Variants in CCDC83 observed in about 807,000 individuals in gnomAD.
CCDC83 encodes coiled-coil domain containing 83.
CCDC83 carries 54 observed loss-of-function variants against 50.1 expected under a neutral mutation model. The ratio of observed to expected loss-of-function variants is 1.08; its 90% CI spans 0.87 to 1.35. CCDC83 has a LOEUF of 1.35. Ranked by LOEUF, CCDC83 falls within the 40% of genes most tolerant of loss-of-function variation. CCDC83 has a pLI of 0.00. For missense variants in CCDC83, 518 were observed against 473.9 expected, an observed-to-expected ratio of 1.09 and a Z score of -0.86; for synonymous variants, 161 against 153.3, an observed-to-expected ratio of 1.05 and a Z score of -0.37.
At chr11:85,910,384 C>T (rs910921843) in intron 7 of CCDC83, among the ~76,000 whole-genome samples, 1 of 152,140 alleles carries the variant, frequency 6.6e-6, no homozygotes, top group Non-Finnish European at 1.5e-5. Context: ...AATGAATGAA[C>T]GAATGGACAA....
chr11:85,861,034 G>C (rs1312119919), intron 1 of CCDC83, among the ~76,000 whole-genome samples: 4 of 152,186 alleles, frequency 2.6e-5, no homozygotes, highest in African/African-American at 7.2e-5. Context: ...ACAAGGCGAG[G>C]TTATTTATCA....
In CCDC83 at chr11:85,880,349, C is replaced by T. The variant is rs1044241089; in HGVS notation, c.181-2164C>T. Among the ~76,000 whole-genome samples, 3 of 152,116 alleles carry T rather than the reference C, an allele frequency of 2.0e-5. No individual in the cohort carries two copies. In the South Asian group the frequency reaches 6.2e-4, roughly 31 times the overall value. On this transcript the variant is annotated intron_variant, in intron 3 of 10. Coordinates refer to ENST00000342404, the MANE Select transcript of CCDC83 (RefSeq NM_001286159.2). ...TCAACCAGCCTTGAGTGCAGTGGCA[C>T]AATTACGGCTCACTGCAGCCTCAAC...
intron 2 of CCDC83, among the ~76,000 whole-genome samples, chr11:85,871,285 T>A (rs2093235920): frequency 6.6e-6 from 1 of 152,254 alleles, no homozygotes; most frequent in South Asian, 2.1e-4. Flanking sequence ...TTGGTCCATT[T>A]AAATTGCAGA....
intron 5 of CCDC83, among the ~76,000 whole-genome samples, chr11:85,892,360 T>C (rs17744745): frequency 0.26 from 40,124 of 152,056 alleles, 5,675 homozygotes; most frequent in Middle Eastern, 0.29. Flanking sequence ...CACCAATAAA[T>C]GGTTAATTGT....
chr11:85,869,465 T>C (rs1185758500), intron 2 of CCDC83, among the ~76,000 whole-genome samples: 3 of 152,194 alleles, frequency 2.0e-5, no homozygotes, highest in Non-Finnish European at 4.4e-5. Context: ...CACAAAAATA[T>C]AGTTTTTTTG....
intron 5 of CCDC83, among the ~76,000 whole-genome samples, chr11:85,888,509 T>A (rs964215071): frequency 2.0e-5 from 3 of 152,188 alleles, no homozygotes; most frequent in Non-Finnish European, 2.9e-5. Context: ...CTTTACATTT[T>A]AAAAAAATTA....
chr11:85,881,943 G>C (rs181581444), intron 3 of CCDC83, among the ~76,000 whole-genome samples: 1 of 152,094 alleles, frequency 6.6e-6, no homozygotes. Flanking sequence ...AATTTGGGAA[G>C]TTTCCAGCCA....
At chr11:85,867,458 T>A (rs1209303650) in intron 2 of CCDC83, among the ~76,000 whole-genome samples, 1 of 152,238 alleles carries the variant, frequency 6.6e-6, no homozygotes, top group Non-Finnish European at 1.5e-5. Flanking sequence ...TCCCAATATA[T>A]TCGTATGAAC....
chr11:85,860,813 A>G (rs1301470167), intron 1 of CCDC83, among the ~76,000 whole-genome samples: 2 of 152,226 alleles, frequency 1.3e-5, no homozygotes, highest in African/African-American at 4.8e-5. Context: ...CATAAAAAGA[A>G]CAAAATCGTG....
intron 7 of CCDC83, 65 bp downstream of exon 7, chr11:85,899,080 T>C (rs779507551): frequency 1.1e-5 from 14 of 1,230,262 alleles, no homozygotes; most frequent in Non-Finnish European, 1.5e-5. Flanking sequence ...AAATGACTTT[T>C]AATTATGAAC....
At chr11:85,878,315 CT>C (rs1242473182) in intron 3 of CCDC83, among the ~76,000 whole-genome samples, 3 of 152,170 alleles carry the variant, frequency 2.0e-5, no homozygotes, top group African/African-American at 7.2e-5. Context: ...CTCATGTGAC[CT>C]TTAAAGCCAC....
intron 10 of CCDC83, among the ~76,000 whole-genome samples, chr11:85,916,954 T>C (rs564855515): frequency 6.6e-6 from 1 of 151,618 alleles, no homozygotes; most frequent in South Asian, 2.1e-4. Flanking sequence ...CTACTAAATA[T>C]ACCAAAAATA....
chr11:85,867,045 T>G (rs1293558696), intron 2 of CCDC83, among the ~76,000 whole-genome samples: 1 of 152,148 alleles, frequency 6.6e-6, no homozygotes, highest in African/African-American at 2.4e-5. Flanking sequence ...AGTGACTAGG[T>G]CTTTGTTTAA....
chr11:85,913,951 T>C (rs7126097), intron 8 of CCDC83, among the ~76,000 whole-genome samples: 2,294 of 152,350 alleles, frequency 0.015, 69 homozygotes, highest in African/African-American at 0.051. Flanking sequence ...TAGAAAAAGC[T>C]AGATTCCTGA....
chr11:85,904,417 A>G lies in CCDC83; in HGVS notation c.672+5402A>G, dbSNP rs537041001. On this transcript the variant is annotated intron_variant, in intron 7 of 10. Coordinates refer to ENST00000342404, the MANE Select transcript of CCDC83 (RefSeq NM_001286159.2). Reference sequence around the variant, plus strand: ...GTTTCTGGTTTATGAGGACAGCAGTACCTTAAGCTTATCTAGCCCAATCTA... The same window carrying G: ...GTTTCTGGTTTATGAGGACAGCAGTGCCTTAAGCTTATCTAGCCCAATCTA... Among the ~76,000 whole-genome samples the G allele has an allele frequency of 3.2e-4, 49 of 152,330 alleles. 1 individual carries two copies. Among genetic ancestry groups the G allele is most frequent in the Admixed American group, 2.4e-3 (37 of 15,302 alleles).
intron 7 of CCDC83, among the ~76,000 whole-genome samples, chr11:85,905,969 CA>C (rs760367430): frequency 0.036 from 1,724 of 47,598 alleles, 14 homozygotes; most frequent in African/African-American, 0.11. Flanking sequence ...GACTCCGTCT[CA>C]AAAAAAAAAA....
intron 5 of CCDC83, among the ~76,000 whole-genome samples, chr11:85,888,572 T>C (rs1347909123): frequency 9.9e-5 from 15 of 152,212 alleles, no homozygotes; most frequent in Admixed American, 9.8e-4. Context: ...GTCATTAGTT[T>C]TTTTGTTTGT....
At chr11:85,888,761 C>T (rs962904464) in intron 5 of CCDC83, among the ~76,000 whole-genome samples, 9 of 151,946 alleles carry the variant, frequency 5.9e-5, no homozygotes, top group African/African-American at 1.7e-4. Flanking sequence ...TATTTTTTTA[C>T]CAAATGGTTT....
chr11:85,899,429 C>A (rs548645465), intron 7 of CCDC83, among the ~76,000 whole-genome samples: 1 of 152,164 alleles, frequency 6.6e-6, no homozygotes, highest in Non-Finnish European at 1.5e-5. Flanking sequence ...CCAGATAATT[C>A]TTTGTTGTGA....
Sources: gnomAD v4.1 joint callset for allele counts (sites outside exome capture counted in the v4.1 genomes callset) on GRCh38, gnomAD v4.1.1 for gene constraint, MANE v1.5 for transcripts, NCBI Gene and HGNC (gene_info 2026-07-23, HGNC 2026-07-21) for gene names.